Variants in PCBP4 observed in about 807,000 individuals in gnomAD.
PCBP4 encodes the protein poly(rC)-binding protein 4.
Under a neutral mutation model 46.2 loss-of-function variants are expected in PCBP4, and 24 were observed. The ratio of observed to expected loss-of-function variants is 0.52; its 90% CI spans 0.38 to 0.73. PCBP4 has a LOEUF of 0.73. Ranked by LOEUF, PCBP4 falls within the 30% of genes least tolerant of loss-of-function variation. PCBP4 has a pLI of 0.00. For synonymous variants in PCBP4, 203 were observed against 224.4 expected, an observed-to-expected ratio of 0.90 and a Z score of 0.85; for missense variants, 407 against 537.0, an observed-to-expected ratio of 0.76 and a Z score of 2.39.
intron 1 of PCBP4, among the ~76,000 whole-genome samples, chr3:51,964,441 G>A (rs1418919480): frequency 1.3e-5 from 2 of 152,166 alleles, no homozygotes; most frequent in Non-Finnish European, 2.9e-5. Context: ...GATTCCCTCC[G>A]CTCTGCTGGC....
chr3:51,965,957 G>T (rs1700401203), intron 1 of PCBP4, among the ~76,000 whole-genome samples: 1 of 152,198 alleles, frequency 6.6e-6, no homozygotes, highest in African/African-American at 2.4e-5. Context: ...GTCGAGTTGG[G>T]CTCAGCCTGT....
At position 51,959,080 on chromosome 3, in the gene PCBP4, C is replaced by T. The variant is rs1699998662; in HGVS notation, c.720G>A (p.Gln240=). The T allele has an allele frequency of 6.2e-7, 1 of 1,613,922 alleles. No individual in the cohort carries two copies. The highest frequency in any genetic ancestry group is 8.5e-7 in the Non-Finnish European group (1 of 1,179,934). ...GAACCAAGAACTCCTGTGAGCTGGT[C>T]TGTGTGCCGGGATCCAGTCCTGAGG... ...SVVPGLDPGT[Q]TSSQEFLVPN... The change falls in exon 12 of 14, where the codon CAG becomes CAA. Residue 240 remains glutamine, a synonymous_variant. Coordinates refer to ENST00000461554, the MANE Select transcript of PCBP4 (RefSeq NM_001174100.2). This position sits in a 1 kb window ranked among gnomAD's most constrained non-coding sequence, Gnocchi z 5.6.
chr3:51,961,521 C>G, intron 2 of PCBP4: 1 of 574,650 alleles, frequency 1.7e-6, no homozygotes, highest in Middle Eastern at 4.8e-4. Flanking sequence ...CTCAGCTTCT[C>G]CATCTGTAGA....
In PCBP4 at chr3:51,958,768, C is replaced by A. The variant is rs756425935; in HGVS notation, c.923+22G>T. 41 of 1,600,688 alleles carry A rather than the reference C, an allele frequency of 2.6e-5. No individual in the cohort carries two copies. The highest frequency in any genetic ancestry group is 3.2e-5 in the Non-Finnish European group (38 of 1,171,788). ...ATGAGAACCGTGACCTGCTCCCCCA[C>A]TGCCGCCCAGCCCGCGCTCACCAGG... On this transcript the variant is annotated intron_variant, in intron 13 of 13. Coordinates refer to ENST00000461554, the MANE Select transcript of PCBP4 (RefSeq NM_001174100.2). This position sits in a 1 kb window ranked among gnomAD's most constrained non-coding sequence, Gnocchi z 5.4.
rs1699880194 is a variant in PCBP4, at chr3:51,957,552, C to T, written c.*509G>A. ...TGGGCCCCTGCCCCATGCCACTCCC[C>T]CAGCTACCTGGCAGTGCCCCCTCTT... is the stretch of plus-strand genomic sequence containing the variant. On this transcript the variant is annotated 3_prime_UTR_variant, in exon 14 of 14. Coordinates refer to ENST00000461554, the MANE Select transcript of PCBP4 (RefSeq NM_001174100.2). 1 of 156,882 alleles carries T rather than the reference C, an allele frequency of 6.4e-6. No homozygotes were observed. The highest frequency in any genetic ancestry group is 1.5e-5 in the Non-Finnish European group (1 of 68,614). The allele number at this position is 156,882 out of a possible 1,614,324, so 9.7% of individuals were successfully genotyped here.
At position 51,959,134 on chromosome 3, in the gene PCBP4, G is replaced by T. The variant is rs763360416; in HGVS notation, c.701-35C>A. On this transcript the variant is annotated intron_variant, in intron 11 of 13. Transcript: ENST00000461554. This position sits in a 1 kb window ranked among gnomAD's most constrained non-coding sequence, Gnocchi z 5.6. ...AGAAGAGGGACTGAGTGTGGTTCTG[G>T]GCCTTTCCCGCCCCACCATTTCCAC... is the stretch of plus-strand genomic sequence containing the variant. The T allele has an allele frequency of 8.7e-6, 14 of 1,613,440 alleles. No homozygotes were observed. Among genetic ancestry groups the T allele is most frequent in the Middle Eastern group, 1.7e-4 (1 of 6,052 alleles).
At position 51,961,221 on chromosome 3, in the gene PCBP4, C is replaced by T. The variant is rs1296953858; in HGVS notation, c.20G>A (p.Gly7Glu). MSGSDG[G>E]LEEEPELSIT... The stretch of plus-strand genomic sequence containing the variant: ...GCTGAGCTCTGGCTCCTCCTCCAGT[C>T]CCCCGTCCGAGCCGCTCATTCTGTC... The change falls in exon 3 of 14, where the codon GGA becomes GAA. Residue 7 changes from glycine (G) to glutamate (E), a missense_variant. Transcript: ENST00000461554. 2 of 1,612,608 alleles carry T rather than the reference C, an allele frequency of 1.2e-6. No homozygotes were observed. The highest frequency in any genetic ancestry group is 1.7e-6 in the Non-Finnish European group (2 of 1,179,948).
At chr3:51,964,788 C>T (rs987327004) in intron 1 of PCBP4, among the ~76,000 whole-genome samples, 4 of 152,212 alleles carry the variant, frequency 2.6e-5, no homozygotes, top group Admixed American at 1.3e-4. Flanking sequence ...ACACATGTGC[C>T]CAGCCTCTTG....
At chr3:51,966,473 G>A (rs1303320044) in intron 1 of PCBP4, among the ~76,000 whole-genome samples, 1 of 152,148 alleles carries the variant, frequency 6.6e-6, no homozygotes, top group Non-Finnish European at 1.5e-5. Context: ...GGGTGACCCA[G>A]GGAACAGGGA....
chr3:51,958,055 C>G lies in PCBP4; in HGVS notation c.*6G>C, dbSNP rs769602509. 6 of 1,537,050 alleles carry G rather than the reference C, an allele frequency of 3.9e-6. No individual in the cohort carries two copies. In the South Asian group the frequency reaches 5.1e-5, roughly 13 times the overall value. On this transcript the variant is annotated 3_prime_UTR_variant, in exon 14 of 14. Transcript: ENST00000461554. The surrounding 1 kb of genome is among the most constrained non-coding windows in gnomAD (Gnocchi z 5.4). ...CTGCCTGCCCCTGCCTGTACCTCAG[C>G]TGGCCTCAGTAGGGGGAGAATTTCT...
chr3:51,963,976 G>A (rs1055802886), intron 1 of PCBP4, among the ~76,000 whole-genome samples: 4 of 152,194 alleles, frequency 2.6e-5, no homozygotes, highest in Non-Finnish European at 5.9e-5. Flanking sequence ...CTGGGTCTTT[G>A]CCGGGCCACC....
Position 51,959,261 on chromosome 3 carries a change from G to T in PCBP4, c.668C>A (p.Ala223Glu), listed in dbSNP as rs780942022. ...CACGCTGGGTGTGGCAAAGGGGACC[G>T]CATGGCTTGAGAGCTGCTGGAGCTT... The part of the protein sequence containing the change: ...VTKLQQLSSH[A>E]VPFATPSVVP... The change falls in exon 11 of 14, where the codon GCG (alanine) becomes GAG (glutamate). Residue 223 changes from alanine (A) to glutamate (E), a missense_variant. By Grantham distance (107) the Ala-to-Glu change is moderately radical. Transcript: ENST00000461554. The surrounding 1 kb of genome is among the most constrained non-coding windows in gnomAD (Gnocchi z 5.6). The T allele has an allele frequency of 6.2e-7, 1 of 1,613,966 alleles. No homozygotes were observed. The highest frequency in any genetic ancestry group is 8.5e-7 in the Non-Finnish European group (1 of 1,179,974).
At chr3:51,961,802 G>A (rs561334479) in intron 2 of PCBP4, 139 bp downstream of exon 2, 1 of 983,992 alleles carries the variant, frequency 1.0e-6, no homozygotes, top group Admixed American at 6.0e-5. Context: ...GAGCACAGAA[G>A]AGCAGCTGGG....
chr3:51,957,814 A>G lies in PCBP4; in HGVS notation c.*247T>C, dbSNP rs1334343262. ...AGTCTCCTGGCTGCTCCCTGTATCC[A>G]AGCACAGAGCTGAGGAGGTAGGGCC... On this transcript the variant is annotated 3_prime_UTR_variant, in exon 14 of 14. Coordinates refer to ENST00000461554, the MANE Select transcript of PCBP4 (RefSeq NM_001174100.2). The G allele has an allele frequency of 2.0e-5, 7 of 357,184 alleles. No individual in the cohort carries two copies. Among genetic ancestry groups the G allele is most frequent in the Non-Finnish European group, 3.5e-5 (7 of 197,280 alleles). The allele number at this position is 357,184 out of a possible 1,614,324, so 22.1% of individuals were successfully genotyped here.
At chr3:51,961,769 G>A (rs1297917233) in intron 2 of PCBP4, 172 bp downstream of exon 2, 4 of 988,334 alleles carry the variant, frequency 4.0e-6, no homozygotes, top group Non-Finnish European at 4.8e-6. Flanking sequence ...AGGCACTTTC[G>A]TCCAGCAGCC....
rs562161229 is a variant in PCBP4, at chr3:51,958,743, A to G, written c.923+47T>C. 107 of 1,581,202 alleles carry G rather than the reference A, an allele frequency of 6.8e-5. 2 individuals are homozygous for G. In the South Asian group the frequency reaches 1.1e-3, roughly 16 times the overall value. ...CCCCACCCCTGCCTTTCTTGGGCACATGAGAACCGTGACCTGCTCCCCCAC... is the reference window on the plus strand; with the variant it reads ...CCCCACCCCTGCCTTTCTTGGGCACGTGAGAACCGTGACCTGCTCCCCCAC... On this transcript the variant is annotated intron_variant, in intron 13 of 13. Coordinates refer to ENST00000461554, the MANE Select transcript of PCBP4 (RefSeq NM_001174100.2). This position sits in a 1 kb window ranked among gnomAD's most constrained non-coding sequence, Gnocchi z 5.4.
In PCBP4 at chr3:51,959,701, C is replaced by T; in HGVS notation, c.517-50G>A. 11 of 1,516,818 alleles carry T rather than the reference C, an allele frequency of 7.3e-6. No individual in the cohort carries two copies. The highest frequency in any genetic ancestry group is 9.9e-6 in the Non-Finnish European group (11 of 1,116,224). 94.0% of individuals were successfully genotyped at this position (1,516,818 alleles called of 1,614,324 possible). On this transcript the variant is annotated intron_variant, in intron 8 of 13. Transcript: ENST00000461554. The surrounding 1 kb of genome is among the most constrained non-coding windows in gnomAD (Gnocchi z 5.6). ...TCAGGACCCTCTCAGGCTCCGATAACCTCCCCAGCTGCCCAGTGGCCTCAG... is the reference window on the plus strand; with the variant it reads ...TCAGGACCCTCTCAGGCTCCGATAATCTCCCCAGCTGCCCAGTGGCCTCAG...
At position 51,959,848 on chromosome 3, in the gene PCBP4, C is replaced by T. The variant is rs766362826; in HGVS notation, c.516+47G>A. ...GGTTTGGGGTCCCCGACAAGGCAGA[C>T]CCAGGGCCCATCTCCTGCCCCCTCT... is the stretch of plus-strand genomic sequence containing the variant. On this transcript the variant is annotated intron_variant, in intron 8 of 13. Coordinates refer to ENST00000461554, the MANE Select transcript of PCBP4 (RefSeq NM_001174100.2). The surrounding 1 kb of genome is among the most constrained non-coding windows in gnomAD (Gnocchi z 5.6). 1.9e-6 allele frequency: 3 copies of T among 1,558,324 alleles called. No individual in the cohort carries two copies. The East Asian group carries it at 6.7e-5, about 35-fold the overall frequency.
rs1333567088 is a variant in PCBP4 at position 51,960,467 on chromosome 3, C to CA, written c.255+58dup. The CA allele has an allele frequency of 5.1e-6, 8 of 1,559,282 alleles. No homozygotes were observed. In the Admixed American group the frequency reaches 6.7e-5, roughly 13 times the overall value. ...CCCACCCATAGCCACTATCTGGAGT[C>CA]AGAGTTGGGTTCCTCCTGGGGAACC... is the stretch of plus-strand genomic sequence containing the variant. On this transcript the variant is annotated intron_variant, in intron 6 of 13. Coordinates refer to ENST00000461554, the MANE Select transcript of PCBP4 (RefSeq NM_001174100.2). This position sits in a 1 kb window ranked among gnomAD's most constrained non-coding sequence, Gnocchi z 5.0.
Sources: allele counts gnomAD v4.1 joint callset (sites outside exome capture counted in the v4.1 genomes callset), GRCh38; gene constraint gnomAD v4.1.1; non-coding constraint Gnocchi (gnomAD v3.1); transcripts MANE v1.5; gene names NCBI Gene and HGNC (gene_info 2026-07-23, HGNC 2026-07-21).